The following GOSR2 variants were observed in gnomAD, a reference collection of about 807,000 sequenced individuals.
The protein encoded by GOSR2 is golgi SNAP receptor complex member 2, also known as 27 kDa Golgi SNARE protein.
A neutral mutation model predicts 27.9 loss-of-function variants in GOSR2; 20 were observed. The ratio of observed to expected loss-of-function variants is 0.72; its 90% confidence interval spans 0.50 to 1.04. The LOEUF is 1.04. GOSR2 is among the 50% of genes least tolerant of loss of function. The pLI, the probability that GOSR2 is intolerant of heterozygous loss-of-function variation, is 0.00. For synonymous variants in GOSR2, 91 were observed against 98.8 expected, an observed-to-expected ratio of 0.92 and a Z score of 0.47; for missense variants, 261 against 270.5, an observed-to-expected ratio of 0.97 and a Z score of 0.25.
intron 1 of GOSR2, among the ~76,000 whole-genome samples, chr17:46,924,094 C>T (rs2086134954): frequency 6.6e-6 from 1 of 152,208 alleles, no homozygotes; most frequent in Non-Finnish European, 1.5e-5. Context: ...TTTTCATCAT[C>T]CCAGTGTGCC....
chr17:46,952,238 C>T (rs539056698), intron 6 of GOSR2, among the ~76,000 whole-genome samples: 38 of 152,332 alleles, frequency 2.5e-4, no homozygotes, highest in Admixed American at 2.5e-3. Flanking sequence ...CCACGGGACT[C>T]AGCGAGGGCT....
chr17:46,963,236 AGAT>A (rs2091162923), intron 6 of GOSR2, among the ~76,000 whole-genome samples: 1 of 152,210 alleles, frequency 6.6e-6, no homozygotes. Flanking sequence ...GATTCTATAA[AGAT>A]GATCAGTTAA....
chr17:46,955,185 G>A (rs1342102901), intron 6 of GOSR2, among the ~76,000 whole-genome samples: 7 of 151,200 alleles, frequency 4.6e-5, no homozygotes, highest in East Asian at 1.9e-4. Flanking sequence ...TTTGAGATAC[G>A]TCCCATCAAT....
chr17:46,963,537 C>T (rs544559867), intron 6 of GOSR2, among the ~76,000 whole-genome samples: 4 of 60,276 alleles, frequency 6.6e-5, no homozygotes, highest in Admixed American at 4.7e-4. Flanking sequence ...GAGTGAGGCT[C>T]GGTCTCAAAA....
intron 5 of GOSR2, chr17:46,936,848 G>T: frequency 1.0e-6 from 1 of 984,202 alleles, no homozygotes; most frequent in Non-Finnish European, 1.2e-6. Flanking sequence ...AATTTCTCTG[G>T]CTGAGGCTTC....
At chr17:46,944,951 C>T (rs954022589), downstream of GOSR2, among the ~76,000 whole-genome samples, 1 of 152,140 alleles carries the variant, frequency 6.6e-6, no homozygotes, top group Admixed American at 6.5e-5. Context: ...TTGAGAACCA[C>T]GGCTGTCAGT....
rs751819235 is a variant in GOSR2 at position 46,941,809 on chromosome 17, C to G, written c.*3049C>G. On this transcript the variant is annotated 3_prime_UTR_variant, in exon 6 of 6. Coordinates refer to ENST00000640051, the MANE Select transcript of GOSR2 (RefSeq NM_004287.5). ...CTATGTTGACCAGATTGGTCTTAAA[C>G]TCCTGGCCTCAAGTGATCTGCCTGC... 1.3e-5 allele frequency: 4 copies of G among 302,554 alleles called. No individual in the cohort carries two copies. The highest frequency in any genetic ancestry group is 1.9e-5 in the Non-Finnish European group (4 of 207,052). 18.7% of individuals were successfully genotyped at this position (302,554 alleles called of 1,614,324 possible).
In GOSR2 at chr17:46,941,891, G is replaced by A. The variant is rs1568190561; in HGVS notation, c.*3131G>A. The A allele has an allele frequency of 2.0e-6, 2 of 982,676 alleles. No individual in the cohort carries two copies. Among genetic ancestry groups the A allele is most frequent in the Non-Finnish European group, 2.4e-6 (2 of 827,502 alleles). The allele number at this position is 982,676 out of a possible 1,614,324, so 60.9% of individuals were successfully genotyped here. A position where few individuals can be genotyped will look rare whatever the true frequency, so the allele number is the denominator to read the frequency against. ...GTTAGCCACTGTACCTGGCCTCTAA[G>A]GTGATTCTGATGTGTGTATTTTGGA... On this transcript the variant is annotated 3_prime_UTR_variant, in exon 6 of 6. Transcript: ENST00000640051.
chr17:46,929,874 A>C (rs1382890799), intron 2 of GOSR2: 4 of 341,172 alleles, frequency 1.2e-5, no homozygotes, highest in Non-Finnish European at 2.2e-5. Flanking sequence ...TAGTCCTTAG[A>C]GGAATGTACT....
chr17:46,923,256 C>T (rs1332080642), intron 1 of GOSR2, 35 bp downstream of exon 1: 1 of 1,550,512 alleles, frequency 6.4e-7, no homozygotes, highest in Non-Finnish European at 8.7e-7. Context: ...AGGGGCTAGA[C>T]GAGGCGAGGC....
intron 6 of GOSR2, among the ~76,000 whole-genome samples, chr17:46,947,429 A>T (rs977332779): frequency 1.3e-5 from 2 of 152,130 alleles, no homozygotes; most frequent in East Asian, 3.9e-4. Flanking sequence ...ACTGCCACAC[A>T]CCTTCAGAGC....
At chr17:46,970,519 G>A (rs1240847567), downstream of GOSR2, among the ~76,000 whole-genome samples, 2 of 119,430 alleles carry the variant, frequency 1.7e-5, no homozygotes, top group African/African-American at 3.3e-5. Flanking sequence ...TAGCCCAGGC[G>A]ACACAGACTC....
intron 3 of GOSR2, 102 bp downstream of exon 3, chr17:46,931,309 G>T: frequency 2.7e-6 from 2 of 736,462 alleles, no homozygotes; most frequent in Non-Finnish European, 5.0e-6. Context: ...CAACGTACAT[G>T]TTGAAAAACT....
Position 46,940,300 on chromosome 17 carries a change from C to T in GOSR2, c.*1540C>T. The stretch of plus-strand genomic sequence containing the variant: ...TTCCTACCCCTCCGGGCCAAATGGG[C>T]CCCAGGTTTCCAAGGAAGGAGCAAT... On this transcript the variant is annotated 3_prime_UTR_variant, in exon 6 of 6. Transcript: ENST00000640051. 2.1e-6 allele frequency: 3 copies of T among 1,440,930 alleles called. No individual in the cohort carries two copies. The highest frequency in any genetic ancestry group is 2.9e-5 in the South Asian group (2 of 67,984). The allele number at this position is 1,440,930 out of a possible 1,614,324, so 89.3% of individuals were successfully genotyped here. A position where few individuals can be genotyped will look rare whatever the true frequency, so the allele number is the denominator to read the frequency against.
downstream of GOSR2, among the ~76,000 whole-genome samples, chr17:46,943,098 G>A (rs1330125736): frequency 6.6e-6 from 1 of 152,202 alleles, no homozygotes; most frequent in African/African-American, 2.4e-5. Context: ...GTAATGCCCA[G>A]GGGTAGGGAG....
intron 6 of GOSR2, among the ~76,000 whole-genome samples, chr17:46,959,330 A>G (rs562607646): frequency 1.3e-5 from 2 of 152,250 alleles, no homozygotes; most frequent in South Asian, 4.1e-4. Flanking sequence ...AGTAACATAA[A>G]TCCAACCCCG....
chr17:46,972,660 G>A (rs1340515286), intron 6 of GOSR2, among the ~76,000 whole-genome samples: 1 of 152,190 alleles, frequency 6.6e-6, no homozygotes, highest in African/African-American at 2.4e-5. Context: ...CCTGCAAAGT[G>A]AGCCCCAGGA....
intron 6 of GOSR2, among the ~76,000 whole-genome samples, chr17:46,951,924 T>C (rs573794415): frequency 6.6e-6 from 1 of 152,148 alleles, no homozygotes; most frequent in Non-Finnish European, 1.5e-5. Flanking sequence ...ACAGCCCAGC[T>C]CCATGTTCAC....
In GOSR2 at chr17:46,929,501, C is replaced by T; in HGVS notation, c.30-19C>T. On this transcript the variant is annotated intron_variant, in intron 1 of 5. Transcript: ENST00000640051. ...TGATTACTCCTGTCTCACTCATTTC[C>T]TCCCTCTTCCTTTGATAGGCAGGTC... 1 of 1,397,588 alleles carries T rather than the reference C, an allele frequency of 7.2e-7. No homozygotes were observed. The highest frequency in any genetic ancestry group is 1.0e-6 in the Non-Finnish European group (1 of 982,596). The allele number at this position is 1,397,588 out of a possible 1,614,324, so 86.6% of individuals were successfully genotyped here. A position where few individuals can be genotyped will look rare whatever the true frequency, so the allele number is the denominator to read the frequency against.
Sources: allele counts gnomAD v4.1 joint callset (sites outside exome capture counted in the v4.1 genomes callset), GRCh38; gene constraint gnomAD v4.1.1; transcripts MANE v1.5; gene names NCBI Gene and HGNC (gene_info 2026-07-23, HGNC 2026-07-21).